Variants in GRIN2A observed in about 807,000 individuals in gnomAD.
GRIN2A encodes glutamate ionotropic receptor NMDA type subunit 2A.
Under a neutral mutation model 113.4 loss-of-function variants are expected in GRIN2A, and 22 were observed. The ratio of observed to expected loss-of-function variants is 0.19; its 90% CI spans 0.14 to 0.28. GRIN2A has a LOEUF of 0.28. Among genes scored for constraint, GRIN2A ranks in the 10% least tolerant of loss-of-function variants. GRIN2A has a pLI of 1.00. For synonymous variants in GRIN2A, 827 were observed against 738.4 expected (o/e 1.12, Z -1.94); for missense variants, 1,502 against 1,887.0 (o/e 0.80, Z 3.78).
chr16:9,937,902 A>T, intron 3 of GRIN2A, 57 bp downstream of exon 3: 1 of 1,245,298 alleles, frequency 8.0e-7, no homozygotes, highest in Non-Finnish European at 1.2e-6. Context: ...AAGCAAGCAA[A>T]CAATGACAAC....
rs190843542 is a variant in GRIN2A, at chr16:10,102,970, A to G, written c.414+77028T>C. On this transcript the variant is annotated intron_variant, in intron 2 of 12. Transcript: ENST00000330684. ...GCCTCGGTTGCTGCATCATTTAACAAGCATCTATTGTCTGCTCTGTGCCAT... is the reference window on the plus strand; with the variant it reads ...GCCTCGGTTGCTGCATCATTTAACAGGCATCTATTGTCTGCTCTGTGCCAT... Among the ~76,000 whole-genome samples the G allele has an allele frequency of 5.3e-5, 8 of 152,368 alleles. No homozygotes were observed. The East Asian group carries it at 1.5e-3, about 29-fold the overall frequency.
At chr16:9,962,312 A>G (rs907463078) in intron 2 of GRIN2A, among the ~76,000 whole-genome samples, 24 of 152,208 alleles carry the variant, frequency 1.6e-4, no homozygotes, top group Admixed American at 3.3e-4. Context: ...AACCACCATC[A>G]GAGTGAACAG....
intron 2 of GRIN2A, among the ~76,000 whole-genome samples, chr16:10,119,941 C>T (rs192345866): frequency 6.6e-6 from 1 of 152,286 alleles, no homozygotes; most frequent in Admixed American, 6.5e-5. Flanking sequence ...ATGTAGTACT[C>T]CATGCTGTAT....
At chr16:9,869,207 A>T (rs899184053) in intron 4 of GRIN2A, among the ~76,000 whole-genome samples, 3 of 152,156 alleles carry the variant, frequency 2.0e-5, no homozygotes, top group African/African-American at 7.2e-5. Context: ...GCAAGGCAGG[A>T]GGATCACTTG....
intron 2 of GRIN2A, chr16:10,111,390 C>A (rs2048610811): frequency 2.1e-6 from 1 of 484,646 alleles, no homozygotes; most frequent in South Asian, 2.0e-5. Flanking sequence ...GCATGGCGAA[C>A]CATCTGATCA....
chr16:9,900,819 C>T (rs7203038), intron 3 of GRIN2A, among the ~76,000 whole-genome samples: 4,152 of 152,198 alleles, frequency 0.027, 193 homozygotes, highest in African/African-American at 0.095. Flanking sequence ...CACTTTGAAC[C>T]AGCTGGCACA....
chr16:10,123,656 G>T (rs1347141758), intron 2 of GRIN2A, among the ~76,000 whole-genome samples: 2 of 152,240 alleles, frequency 1.3e-5, no homozygotes, highest in East Asian at 1.9e-4. Context: ...AGTCTGGATG[G>T]GACCTGAGAT....
chr16:10,038,036 G>A (rs1194579441), intron 2 of GRIN2A, among the ~76,000 whole-genome samples: 3 of 152,240 alleles, frequency 2.0e-5, no homozygotes, highest in East Asian at 1.9e-4. Context: ...GCCTTAGTCT[G>A]TTCAGGCTGC....
intron 3 of GRIN2A, among the ~76,000 whole-genome samples, chr16:9,923,086 T>A: frequency 6.6e-6 from 1 of 152,192 alleles, no homozygotes; most frequent in East Asian, 1.9e-4. Context: ...TCTCCTACTA[T>A]AATTATGAAT....
intron 2 of GRIN2A, among the ~76,000 whole-genome samples, chr16:10,015,161 G>A (rs768038901): frequency 2.2e-5 from 3 of 138,078 alleles, no homozygotes; most frequent in Non-Finnish European, 4.6e-5. Context: ...GGCTGAGGCA[G>A]AAGAATCACT....
intron 2 of GRIN2A, among the ~76,000 whole-genome samples, chr16:10,164,708 CA>C: frequency 6.6e-6 from 1 of 152,292 alleles, no homozygotes; most frequent in South Asian, 2.1e-4. Context: ...CAAATTACTC[CA>C]CTGTATGTTA....
At position 10,166,110 on chromosome 16, in the gene GRIN2A, G is replaced by A. The variant is rs142546250; in HGVS notation, c.414+13888C>T. 5.3e-5 allele frequency among the ~76,000 whole-genome samples: 8 copies of A among 152,138 alleles called. No homozygotes were observed. In the East Asian group the frequency reaches 7.7e-4, roughly 15 times the overall value. On this transcript the variant is annotated intron_variant, in intron 2 of 12. Coordinates refer to ENST00000330684, the MANE Select transcript of GRIN2A (RefSeq NM_001134407.3). ...AGATATCTTAGCATTAAAACAATTC[G>A]CCAGGAAAATATGTCTTTTTCTTTC...
At chr16:9,778,656 C>T (rs1901753723) in intron 11 of GRIN2A, among the ~76,000 whole-genome samples, 1 of 152,156 alleles carries the variant, frequency 6.6e-6, no homozygotes, top group African/African-American at 2.4e-5. Flanking sequence ...GGAAGTAAAT[C>T]TGGGTGTTTA....
At chr16:9,906,305 A>G (rs1374141928) in intron 3 of GRIN2A, among the ~76,000 whole-genome samples, 1 of 152,166 alleles carries the variant, frequency 6.6e-6, no homozygotes, top group Non-Finnish European at 1.5e-5. Flanking sequence ...AGTATCCTGC[A>G]TTGGAGCAAA....
intron 4 of GRIN2A, among the ~76,000 whole-genome samples, chr16:9,863,932 A>G (rs2043116341): frequency 6.6e-6 from 1 of 152,184 alleles, no homozygotes; most frequent in Non-Finnish European, 1.5e-5. Context: ...TTAGGAGGAG[A>G]TGTGAAGGTA....
chr16:9,951,775 C>A (rs2141674829), intron 2 of GRIN2A, among the ~76,000 whole-genome samples: 1 of 152,290 alleles, frequency 6.6e-6, no homozygotes, highest in African/African-American at 2.4e-5. Flanking sequence ...AAAACACAAT[C>A]AAATAAGGTC....
chr16:9,968,681 C>T (rs2045610269), intron 2 of GRIN2A, among the ~76,000 whole-genome samples: 1 of 152,062 alleles, frequency 6.6e-6, no homozygotes, highest in Non-Finnish European at 1.5e-5. Context: ...GATCTCGGCT[C>T]ACTGCAACCC....
At chr16:9,964,700 A>C (rs887220447) in intron 2 of GRIN2A, among the ~76,000 whole-genome samples, 4 of 152,050 alleles carry the variant, frequency 2.6e-5, no homozygotes, top group African/African-American at 9.7e-5. Flanking sequence ...TTCCATCTTC[A>C]CATCTTTCTC....
At position 10,025,781 on chromosome 16, in the gene GRIN2A, TA is replaced by T. The variant is rs138418597; in HGVS notation, c.415-87231del. On this transcript the variant is annotated intron_variant, in intron 2 of 12. Transcript: ENST00000330684. Reference sequence around the variant, plus strand: ...TATCGGCTGGCAGAGACAGGCAGGCTAGGGGATGCAAAATCTCATGGGTAGA... The same window carrying T: ...TATCGGCTGGCAGAGACAGGCAGGCTGGGGATGCAAAATCTCATGGGTAGA... 5.2e-3 allele frequency among the ~76,000 whole-genome samples: 792 copies of T among 152,270 alleles called. 5 individuals are homozygous for T. The highest frequency in any genetic ancestry group is 0.018 in the African/African-American group (740 of 41,564).
Sources: gnomAD v4.1 joint callset for allele counts (sites outside exome capture counted in the v4.1 genomes callset) on GRCh38, gnomAD v4.1.1 for gene constraint, MANE v1.5 for transcripts, NCBI Gene and HGNC (gene_info 2026-07-23, HGNC 2026-07-21) for gene names.